Variants in HYCC1 observed in about 807,000 individuals in gnomAD.
The protein encoded by HYCC1 is hyccin PI4KA lipid kinase complex subunit 1.
At chr7:22,941,234 A>G in the HYCC1 span, 8 of 152,288 alleles carry the variant, frequency 5.3e-5, no homozygotes, top group East Asian at 1.5e-3. Flanking sequence ...TAATTTTTTA[A>G]ATGAGTAAAC....
At chr7:22,998,900 A>G in the HYCC1 span, among the ~76,000 whole-genome samples, 2,417 of 152,258 alleles carry the variant, frequency 0.016, 68 homozygotes, top group African/African-American at 0.055. Flanking sequence ...ACTTAACACT[A>G]TTCTCCAAAA....
chr7:22,922,147 T>G, the HYCC1 span, among the ~76,000 whole-genome samples: 1 of 151,906 alleles, frequency 6.6e-6, no homozygotes, highest in Non-Finnish European at 1.5e-5. Flanking sequence ...AAAGTTAATC[T>G]AACTTTATGA....
At chr7:22,982,266 A>T in the HYCC1 span, among the ~76,000 whole-genome samples, 1 of 152,222 alleles carries the variant, frequency 6.6e-6, no homozygotes, top group East Asian at 1.9e-4. Flanking sequence ...CAAGTTAAGA[A>T]GCTTTGGGAA....
the HYCC1 span, among the ~76,000 whole-genome samples, chr7:22,996,397 G>A: frequency 6.6e-6 from 1 of 151,568 alleles, no homozygotes; most frequent in South Asian, 2.1e-4. Context: ...ATAAAGTATA[G>A]GATAATTTTT....
chr7:23,002,521 A>T, the HYCC1 span, among the ~76,000 whole-genome samples: 4 of 152,252 alleles, frequency 2.6e-5, no homozygotes, highest in African/African-American at 9.6e-5. Context: ...ATTCAATTAA[A>T]TTAAGGAATT....
chr7:22,931,543 A>C, the HYCC1 span, among the ~76,000 whole-genome samples: 1 of 152,194 alleles, frequency 6.6e-6, no homozygotes, highest in Non-Finnish European at 1.5e-5. Flanking sequence ...ATTTTGAGAT[A>C]CATGATAGAA....
At chr7:22,964,793 G>A in the HYCC1 span, among the ~76,000 whole-genome samples, 1 of 152,030 alleles carries the variant, frequency 6.6e-6, no homozygotes, top group African/African-American at 2.4e-5. Context: ...GCTAATTTTG[G>A]TCAATTAACT....
the HYCC1 span, among the ~76,000 whole-genome samples, chr7:22,971,998 T>C: frequency 4.6e-5 from 7 of 152,212 alleles, no homozygotes; most frequent in South Asian, 1.2e-3. Context: ...ATTGAAAAAT[T>C]TGCCATAGGT....
At chr7:23,002,500 A>T in the HYCC1 span, among the ~76,000 whole-genome samples, 1 of 152,194 alleles carries the variant, frequency 6.6e-6, no homozygotes, top group African/African-American at 2.4e-5. Context: ...TCTCCTTGCC[A>T]AACTAAACAA....
chr7:22,984,446 G>T, the HYCC1 span, among the ~76,000 whole-genome samples: 5 of 152,076 alleles, frequency 3.3e-5, no homozygotes, highest in Non-Finnish European at 7.4e-5. Flanking sequence ...TAGGCCAGGC[G>T]CAGTGTCTCA....
At chr7:22,918,355 A>T in the HYCC1 span, among the ~76,000 whole-genome samples, 5 of 151,988 alleles carry the variant, frequency 3.3e-5, no homozygotes, top group Non-Finnish European at 5.9e-5. Context: ...CAACCCCACA[A>T]TATCATCCCT....
At chr7:22,952,025 AC>A in the HYCC1 span, among the ~76,000 whole-genome samples, 3 of 151,994 alleles carry the variant, frequency 2.0e-5, no homozygotes, top group Non-Finnish European at 4.4e-5. Context: ...CCTATGTTAT[AC>A]ATTTCTTTAT....
At chr7:22,933,058 T>C in the HYCC1 span, among the ~76,000 whole-genome samples, 8 of 152,240 alleles carry the variant, frequency 5.3e-5, no homozygotes, top group East Asian at 1.5e-3. Context: ...CAAGAAAAGA[T>C]TTTTTAGAGC....
the HYCC1 span, among the ~76,000 whole-genome samples, chr7:22,987,083 A>C: frequency 6.6e-6 from 1 of 152,244 alleles, no homozygotes; most frequent in Admixed American, 6.5e-5. Flanking sequence ...AGAAAATTTA[A>C]AAAAATCAGG....
At chr7:22,972,902 G>T in the HYCC1 span, among the ~76,000 whole-genome samples, 2 of 152,160 alleles carry the variant, frequency 1.3e-5, no homozygotes, top group East Asian at 3.8e-4. Flanking sequence ...AAGTGTTCAA[G>T]ATTGTTTTAA....
At chr7:22,905,787 T>G in the HYCC1 span, among the ~76,000 whole-genome samples, 14 of 152,206 alleles carry the variant, frequency 9.2e-5, no homozygotes, top group Non-Finnish European at 1.5e-4. Context: ...AAATGAAATA[T>G]ATTAAGTTAC....
At chr7:22,904,430 C>CA in the HYCC1 span, among the ~76,000 whole-genome samples, 21 of 132,200 alleles carry the variant, frequency 1.6e-4, no homozygotes, top group South Asian at 9.6e-4. Flanking sequence ...GACTCTGTCT[C>CA]AAAAAAAAAA....
the HYCC1 span, among the ~76,000 whole-genome samples, chr7:23,002,164 A>ACACAAT: frequency 0.026 from 669 of 26,148 alleles, 21 homozygotes; most frequent in African/African-American, 0.062. Flanking sequence ...ATATATATAT[A>ACACAAT]TATATATATA....
chr7:23,010,965 T>G, the HYCC1 span, among the ~76,000 whole-genome samples: 1 of 152,164 alleles, frequency 6.6e-6, no homozygotes, highest in Non-Finnish European at 1.5e-5. Flanking sequence ...GAACCACCAC[T>G]CAGTTAAAAC....
Sources: allele counts gnomAD v4.1 joint callset (sites outside exome capture counted in the v4.1 genomes callset), GRCh38; gene constraint gnomAD v4.1.1; transcripts MANE v1.5; gene names NCBI Gene and HGNC (gene_info 2026-07-23, HGNC 2026-07-21).